The following NTMT1 variants were observed in gnomAD, a reference collection of about 807,000 sequenced individuals.
The protein encoded by NTMT1 is N-terminal Xaa-Pro-Lys N-methyltransferase 1, also known as N-terminal RCC1 methyltransferase.
In NTMT1, 8 loss-of-function variants were observed where a neutral mutation model predicts 17.5. The ratio of observed to expected loss-of-function variants is 0.46; its 90% CI spans 0.27 to 0.82. The LOEUF is 0.82. Among genes scored for constraint, NTMT1 ranks in the 40% least tolerant of loss-of-function variants. The probability of loss-of-function intolerance (pLI) is 0.15; values close to 1 mark genes in which losing one functional copy is unlikely to be tolerated. For synonymous variants in NTMT1, 128 were observed against 126.8 expected (o/e 1.01, Z -0.06); for missense variants, 221 against 303.5 (o/e 0.73, Z 2.02).
chr9:129,625,473 C>T (rs535993844), upstream of NTMT1, among the ~76,000 whole-genome samples: 1 of 152,156 alleles, frequency 6.6e-6, no homozygotes, highest in Non-Finnish European at 1.5e-5. Context: ...TCCAAACGAA[C>T]TGTTGTACGT....
rs1333991628 is a variant in NTMT1 at position 129,619,945 on chromosome 9, A to G, written c.-55+10767A>G. 7.4e-6 allele frequency: 11 copies of G among 1,489,326 alleles called. No homozygotes were observed. The Admixed American group carries it at 9.6e-5, about 13-fold the overall frequency. The allele number at this position is 1,489,326 out of a possible 1,614,324, so 92.3% of individuals were successfully genotyped here. ...AAGGACGGGTTGCGAGGGCTCTGAG[A>G]TACTCAGCTAACATTAGCATCCTTC... On this transcript the variant is annotated intron_variant, in intron 1 of 3. Transcript: ENST00000372486.
chr9:129,633,264 T>C (rs1831285764), intron 2 of NTMT1: 2 of 366,342 alleles, frequency 5.5e-6, no homozygotes, highest in East Asian at 8.0e-5. Flanking sequence ...CCCCCAGCCT[T>C]TTCTGTACCA....
upstream of NTMT1, among the ~76,000 whole-genome samples, chr9:129,622,942 T>G (rs1830778273): frequency 6.6e-6 from 1 of 151,776 alleles, no homozygotes. Flanking sequence ...GGTAGGAGAA[T>G]TGCTTGAACC....
chr9:129,633,420 A>T (rs1319203529), intron 2 of NTMT1: 1 of 181,206 alleles, frequency 5.5e-6, no homozygotes, highest in African/African-American at 2.4e-5. Flanking sequence ...CCCCGCTTCC[A>T]TTCTCCCCAT....
intron 1 of NTMT1, chr9:129,615,542 T>TCGCA: frequency 1.2e-6 from 2 of 1,610,878 alleles, no homozygotes; most frequent in Middle Eastern, 1.7e-4. Context: ...CGTCAGCGAA[T>TCGCA]CGCACCCGGA....
chr9:129,616,136 G>C (rs1830366040), intron 1 of NTMT1, among the ~76,000 whole-genome samples: 1 of 152,206 alleles, frequency 6.6e-6, no homozygotes, highest in Non-Finnish European at 1.5e-5. Flanking sequence ...GGGTTGTGAA[G>C]AAAGGAAATG....
chr9:129,632,614 C>T, intron 1 of NTMT1, 36 bp from the exon 2 acceptor site: 14 of 1,523,228 alleles, frequency 9.2e-6, no homozygotes, highest in Non-Finnish European at 1.3e-5. Context: ...CTGCCAGGTC[C>T]CTGGCCCGCT....
intron 1 of NTMT1, among the ~76,000 whole-genome samples, chr9:129,616,255 G>C (rs1233004243): frequency 6.6e-6 from 1 of 152,198 alleles, no homozygotes; most frequent in East Asian, 1.9e-4. Flanking sequence ...TCGCTCTGTG[G>C]CTCAGGCTGG....
rs1327875003 is a variant in NTMT1, at chr9:129,620,144, C to T, written c.-55+10966C>T. The T allele has an allele frequency of 1.6e-5, 24 of 1,462,130 alleles. No individual in the cohort carries two copies. The highest frequency in any genetic ancestry group is 2.1e-5 in the Non-Finnish European group (23 of 1,103,834). The allele number at this position is 1,462,130 out of a possible 1,614,324, so 90.6% of individuals were successfully genotyped here. On this transcript the variant is annotated intron_variant, in intron 1 of 3. Transcript: ENST00000372486. This position sits in a 1 kb window ranked among gnomAD's most constrained non-coding sequence, Gnocchi z 5.8. ...ACGGAACCTGCTGGGGAGGAGCTCT[C>T]CTAGGAAGGCGCCCAAGAAGTCGGG...
At chr9:129,612,542 G>T in intron 1 of NTMT1, 1 of 994,584 alleles carries the variant, frequency 1.0e-6, no homozygotes, top group Non-Finnish European at 1.5e-6. Context: ...CTGAAGCCCT[G>T]TTGGGCAGGT....
In NTMT1 at chr9:129,613,644, C is replaced by A; in HGVS notation, c.-55+4466C>A. The A allele has an allele frequency of 6.2e-7, 1 of 1,608,430 alleles. No homozygotes were observed. Among genetic ancestry groups the A allele is most frequent in the East Asian group, 2.2e-5 (1 of 44,818 alleles). On this transcript the variant is annotated intron_variant, in intron 1 of 3. Coordinates refer to the NTMT1 transcript ENST00000372486. This position sits in a 1 kb window ranked among gnomAD's most constrained non-coding sequence, Gnocchi z 6.2. ...GAGATCTCTGCCCAGGAGGAGGGCACTGGTGCCCCCACCCTCTTTTCCTCC... is the reference window on the plus strand; with the variant it reads ...GAGATCTCTGCCCAGGAGGAGGGCAATGGTGCCCCCACCCTCTTTTCCTCC...
At chr9:129,609,642 G>A (rs56326212) in intron 1 of NTMT1, among the ~76,000 whole-genome samples, 27,807 of 151,494 alleles carry the variant, frequency 0.18, 3,232 homozygotes, top group African/African-American at 0.33. Flanking sequence ...CCCAATCTGG[G>A]GTCTCTGCCA....
chr9:129,612,321 G>A, intron 1 of NTMT1: 1 of 1,588,392 alleles, frequency 6.3e-7, no homozygotes, highest in Non-Finnish European at 8.6e-7. Flanking sequence ...GCCCATGTGT[G>A]CCCCTGGCCT....
At chr9:129,611,316 C>T (rs893762964) in intron 1 of NTMT1, among the ~76,000 whole-genome samples, 6 of 152,194 alleles carry the variant, frequency 3.9e-5, no homozygotes, top group Non-Finnish European at 5.9e-5. Flanking sequence ...GGGAAAGAGG[C>T]GGCGGCTCAA....
intron 1 of NTMT1, among the ~76,000 whole-genome samples, chr9:129,615,017 GGAGA>G (rs1231388345): frequency 6.6e-6 from 1 of 152,254 alleles, no homozygotes. Flanking sequence ...ACTGTCTCCA[GGAGA>G]GAGAAAGTTT....
At chr9:129,632,621 C>T (rs890454746) in intron 1 of NTMT1, 29 bp from the exon 2 acceptor site, 19 of 1,548,198 alleles carry the variant, frequency 1.2e-5, no homozygotes, top group East Asian at 9.0e-5. Flanking sequence ...GTCCCTGGCC[C>T]GCTGACTCAC....
rs185973798 is a variant in NTMT1 at position 129,619,447 on chromosome 9, G to C, written c.-55+10269G>C. 380 of 1,081,614 alleles carry C rather than the reference G, an allele frequency of 3.5e-4. 2 individuals carry two copies. The East Asian group carries it at 8.4e-3, about 24-fold the overall frequency. The allele number at this position is 1,081,614 out of a possible 1,614,324, so 67.0% of individuals were successfully genotyped here. On this transcript the variant is annotated intron_variant, in intron 1 of 3. Transcript: ENST00000372486. ...TGGATAAATGAATACATTCATGGGCGAAAGAGGAAAGAAAGAAGGAAAGAA... is the reference window on the plus strand; with the variant it reads ...TGGATAAATGAATACATTCATGGGCCAAAGAGGAAAGAAAGAAGGAAAGAA...
chr9:129,629,368 G>A (rs114006029), intron 1 of NTMT1, among the ~76,000 whole-genome samples: 1,541 of 137,796 alleles, frequency 0.011, 18 homozygotes, highest in African/African-American at 0.036. Flanking sequence ...GGATTGGCAG[G>A]TCTGGTGGGA....
At chr9:129,625,111 C>T (rs948885789), upstream of NTMT1, among the ~76,000 whole-genome samples, 2 of 152,166 alleles carry the variant, frequency 1.3e-5, no homozygotes, top group Admixed American at 6.5e-5. Context: ...GCTCAACTTC[C>T]TCTTCTGACA....
Sources: allele counts gnomAD v4.1 joint callset (sites outside exome capture counted in the v4.1 genomes callset), GRCh38; gene constraint gnomAD v4.1.1; non-coding constraint Gnocchi (gnomAD v3.1); transcripts MANE v1.5; gene names NCBI Gene and HGNC (gene_info 2026-07-23, HGNC 2026-07-21).